FSTL5: variants seen among roughly 807,000 people sequenced by gnomAD.
FSTL5 encodes the protein follistatin like 5.
A neutral mutation model predicts 89.1 loss-of-function variants in FSTL5; 62 were observed. The observed-to-expected ratio is 0.70, with a 90% confidence interval of 0.57 to 0.86. The LOEUF (loss-of-function observed/expected upper bound fraction) is 0.86, where lower values mean the gene tolerates loss of function less well. Ranked by LOEUF, FSTL5 falls within the 40% of genes least tolerant of loss-of-function variation. The pLI, the probability that FSTL5 is intolerant of heterozygous loss-of-function variation, is 0.00. For missense variants in FSTL5, 1,057 were observed against 1,001.6 expected, an observed-to-expected ratio of 1.06 and a Z score of -0.75; for synonymous variants, 383 against 346.2, an observed-to-expected ratio of 1.11 and a Z score of -1.18.
intron 2 of FSTL5, among the ~76,000 whole-genome samples, chr4:162,058,036 T>C (rs1020586391): frequency 2.6e-5 from 4 of 152,166 alleles, no homozygotes; most frequent in African/African-American, 9.7e-5. Flanking sequence ...TAGTGTAATA[T>C]GTTAAAAGTA....
chr4:161,797,347 G>A (rs563470858), intron 4 of FSTL5, among the ~76,000 whole-genome samples: 34 of 151,512 alleles, frequency 2.2e-4, no homozygotes, highest in Non-Finnish European at 5.9e-5. Flanking sequence ...TCTCTCAATT[G>A]GGTTAAATGC....
chr4:161,683,800 A>T (rs902605300), intron 6 of FSTL5, among the ~76,000 whole-genome samples: 1 of 152,028 alleles, frequency 6.6e-6, no homozygotes, highest in African/African-American at 2.4e-5. Context: ...TGGTTACATG[A>T]GTAAGTTCTT....
chr4:161,882,388 C>G (rs1431490), intron 4 of FSTL5, among the ~76,000 whole-genome samples: 232 of 152,076 alleles, frequency 1.5e-3, no homozygotes, highest in African/African-American at 5.5e-3. Context: ...CAGCAGATTA[C>G]TGGGAAACTT....
At chr4:161,695,767 T>C (rs1738137140) in intron 6 of FSTL5, among the ~76,000 whole-genome samples, 1 of 152,128 alleles carries the variant, frequency 6.6e-6, no homozygotes, top group South Asian at 2.1e-4. Context: ...GGTCTTCTTT[T>C]GAGAACTGTC....
intron 6 of FSTL5, among the ~76,000 whole-genome samples, chr4:161,698,952 T>TCAAAACAAAA (rs139045378): frequency 3.3e-5 from 5 of 151,436 alleles, no homozygotes; most frequent in East Asian, 2.0e-4. Context: ...AGACTCTGTC[T>TCAAAACAAAA]CAAAACAAAA....
At chr4:161,879,628 C>A (rs564876003) in intron 4 of FSTL5, among the ~76,000 whole-genome samples, 1 of 152,284 alleles carries the variant, frequency 6.6e-6, no homozygotes, top group Non-Finnish European at 1.5e-5. Flanking sequence ...CAAATACATC[C>A]AATATGCCAC....
chr4:161,681,608 A>C, intron 6 of FSTL5, among the ~76,000 whole-genome samples: 1 of 152,088 alleles, frequency 6.6e-6, no homozygotes, highest in East Asian at 1.9e-4. Flanking sequence ...CATTATTAAA[A>C]AATATCTGTA....
At chr4:161,791,240 G>A (rs1006367815) in intron 4 of FSTL5, among the ~76,000 whole-genome samples, 4 of 152,084 alleles carry the variant, frequency 2.6e-5, no homozygotes, top group Middle Eastern at 3.2e-3. Flanking sequence ...AATGAAGGGA[G>A]GGTGATGGAG....
intron 4 of FSTL5, among the ~76,000 whole-genome samples, chr4:161,779,721 C>CATTCTGTA (rs1741549520): frequency 7.4e-6 from 1 of 134,922 alleles, no homozygotes; most frequent in Admixed American, 8.0e-5. Flanking sequence ...TTAAATATTT[C>CATTCTGTA]ATGAATTCTG....
At chr4:161,465,486 C>T (rs1306097874) in intron 13 of FSTL5, among the ~76,000 whole-genome samples, 1 of 152,084 alleles carries the variant, frequency 6.6e-6, no homozygotes, top group African/African-American at 2.4e-5. Flanking sequence ...ATGGGATCTT[C>T]CTAGTTGCCC....
At chr4:161,651,636 T>C (rs12499027) in intron 7 of FSTL5, among the ~76,000 whole-genome samples, 25,588 of 152,036 alleles carry the variant, frequency 0.17, 2,419 homozygotes, top group East Asian at 0.32. Flanking sequence ...ATTTAAAGTG[T>C]TTTTTCTCAT....
chr4:161,743,483 T>A (rs1647449046), intron 6 of FSTL5, among the ~76,000 whole-genome samples: 1 of 152,114 alleles, frequency 6.6e-6, no homozygotes, highest in Admixed American at 6.5e-5. Context: ...AAGAATGACA[T>A]CCCCTCCATC....
intron 10 of FSTL5, among the ~76,000 whole-genome samples, chr4:161,512,275 A>G (rs1264712746): frequency 6.6e-6 from 1 of 152,096 alleles, no homozygotes; most frequent in African/African-American, 2.4e-5. Flanking sequence ...AGTACCTAAC[A>G]TGTGTTAGAT....
chr4:161,862,110 TATAG>T (rs1454379855), intron 4 of FSTL5, among the ~76,000 whole-genome samples: 3 of 152,212 alleles, frequency 2.0e-5, no homozygotes, highest in African/African-American at 2.4e-5. Context: ...ACTCTGTATT[TATAG>T]ATAAAGTGTC....
At chr4:161,677,274 C>CGA (rs1293415405) in intron 6 of FSTL5, among the ~76,000 whole-genome samples, 55 of 150,254 alleles carry the variant, frequency 3.7e-4, no homozygotes, top group South Asian at 1.7e-3. Flanking sequence ...AAAGAGAGCC[C>CGA]GAGAGAGAGA....
intron 3 of FSTL5, among the ~76,000 whole-genome samples, chr4:161,978,086 T>G (rs1460010268): frequency 6.6e-6 from 1 of 152,230 alleles, no homozygotes; most frequent in Non-Finnish European, 1.5e-5. Flanking sequence ...TGCAACTTAC[T>G]GTGCCTGCAG....
intron 7 of FSTL5, among the ~76,000 whole-genome samples, chr4:161,594,255 A>T (rs145594789): frequency 3.3e-5 from 5 of 152,252 alleles, no homozygotes; most frequent in African/African-American, 1.2e-4. Context: ...ATTAAAAACA[A>T]TAGTGAAAAT....
chr4:161,469,739 G>A (rs1009224428), intron 13 of FSTL5, among the ~76,000 whole-genome samples: 1 of 151,474 alleles, frequency 6.6e-6, no homozygotes, highest in African/African-American at 2.4e-5. Context: ...CCGGGTTCAC[G>A]CCATTCTCCT....
intron 8 of FSTL5, among the ~76,000 whole-genome samples, chr4:161,586,422 T>C (rs940417113): frequency 6.6e-5 from 10 of 152,164 alleles, no homozygotes; most frequent in African/African-American, 2.4e-4. Context: ...CCCATATACC[T>C]GTTTCCTTCA....
Sources: allele counts gnomAD v4.1 joint callset (sites outside exome capture counted in the v4.1 genomes callset), GRCh38; gene constraint gnomAD v4.1.1; transcripts MANE v1.5; gene names NCBI Gene and HGNC (gene_info 2026-07-23, HGNC 2026-07-21).